Variants in PTPRZ1 observed in about 807,000 individuals in gnomAD.
The protein encoded by PTPRZ1 is protein tyrosine phosphatase receptor type Z1, also known as receptor-type tyrosine-protein phosphatase zeta.
A neutral mutation model predicts 214.1 loss-of-function variants in PTPRZ1; 82 were observed. That is an observed-to-expected ratio of 0.38 (90% CI 0.32 to 0.46). The LOEUF is 0.46. Among genes scored for constraint, PTPRZ1 ranks in the 20% least tolerant of loss-of-function variants. PTPRZ1 has a pLI of 1.00. For synonymous variants in PTPRZ1, 945 were observed against 987.9 expected (o/e 0.96, Z 0.81); for missense variants, 2,603 against 2,748.7 (o/e 0.95, Z 1.19).
intron 2 of PTPRZ1, among the ~76,000 whole-genome samples, chr7:121,950,035 C>T (rs749289367): frequency 6.6e-5 from 10 of 152,160 alleles, no homozygotes; most frequent in Middle Eastern, 3.4e-3. Flanking sequence ...AATTTACAAA[C>T]GAAAGAGGTT....
chr7:122,033,112 T>C (rs1206387), intron 15 of PTPRZ1, among the ~76,000 whole-genome samples: 28,149 of 151,892 alleles, frequency 0.19, 3,376 homozygotes, highest in African/African-American at 0.34. Context: ...TAAAATAACT[T>C]CATGTTTTCA....
At chr7:122,004,285 A>T (rs1256982194) in intron 10 of PTPRZ1, among the ~76,000 whole-genome samples, 1 of 152,078 alleles carries the variant, frequency 6.6e-6, no homozygotes, top group Non-Finnish European at 1.5e-5. Context: ...GCGTTTCTTT[A>T]CACTCAGTTT....
chr7:121,917,424 A>G, intron 1 of PTPRZ1, among the ~76,000 whole-genome samples: 1 of 152,196 alleles, frequency 6.6e-6, no homozygotes, highest in East Asian at 1.9e-4. Context: ...ACTTCAGACT[A>G]AGAATCAGAT....
Position 122,012,813 on chromosome 7 carries a change from C to T in PTPRZ1, c.3767C>T (p.Ser1256Leu). 1 of 1,612,006 alleles carries T rather than the reference C, an allele frequency of 6.2e-7. No individual in the cohort carries two copies. Among genetic ancestry groups the T allele is most frequent in the South Asian group, 1.1e-5 (1 of 91,038 alleles). The change falls in exon 12 of 30, where the codon TCA (serine) becomes TTA (leucine). Residue 1256 changes from serine (S) to leucine (L), a missense_variant. Ser to Leu is a moderately radical substitution (Grantham distance 145, BLOSUM62 -2). This residue lies in a region of PTPRZ1 where 1,913 missense variants were observed against 1,914.3 expected (regional missense o/e 1.00). Transcript: ENST00000393386. ...CCTACTTCTCATATGCACTCTGCTT[C>T]ACTTCAAGGTTTGACCATTTCCTAT... The part of the protein sequence containing the change: ...VSPTSHMHSA[S>L]LQGLTISYAS...
chr7:121,954,536 T>C (rs1482402757), intron 2 of PTPRZ1, among the ~76,000 whole-genome samples: 1 of 152,222 alleles, frequency 6.6e-6, no homozygotes, highest in Admixed American at 6.5e-5. Flanking sequence ...TCATATCCCA[T>C]CTGGGTTAGG....
In PTPRZ1 at chr7:122,039,532, G is replaced by A; in HGVS notation, c.5581G>A (p.Val1861Met). The change falls in exon 20 of 30, where the codon GTG (valine) becomes ATG (methionine). Residue 1861 changes from valine (V) to methionine (M), a missense_variant. Physicochemically the swap from Val to Met is conservative, Grantham distance 21. Coordinates refer to ENST00000393386, the MANE Select transcript of PTPRZ1 (RefSeq NM_002851.3). ...NFLVTQKSVQ[V>M]LAYYTVRNFT... ...TCTGGTCACTCAGAAGAGTGTGCAAGTGCTTGCCTATTATACTGTGAGGAA... is the reference window on the plus strand; with the variant it reads ...TCTGGTCACTCAGAAGAGTGTGCAAATGCTTGCCTATTATACTGTGAGGAA... 1 of 1,614,008 alleles carries A rather than the reference G, an allele frequency of 6.2e-7. No individual in the cohort carries two copies. The highest frequency in any genetic ancestry group is 8.5e-7 in the Non-Finnish European group (1 of 1,179,946).
In PTPRZ1 at chr7:122,013,475, C is replaced by G; in HGVS notation, c.4429C>G (p.Leu1477Val). ...TCAGAATAATCCAATCTCATACTCA[C>G]TATCTGAGAATTCTGAAGAAGATAA... ...MDQNNPISYSLSENSEEDNRV... is the reference protein window; with the variant it reads ...MDQNNPISYSVSENSEEDNRV... The change falls in exon 12 of 30, where the codon CTA (leucine) becomes GTA (valine). Residue 1477 changes from leucine to valine, a missense_variant. Physicochemically the swap from Leu to Val is conservative, Grantham distance 32. This residue lies in a region of PTPRZ1 where 1,913 missense variants were observed against 1,914.3 expected (regional missense o/e 1.00). Coordinates refer to ENST00000393386, the MANE Select transcript of PTPRZ1 (RefSeq NM_002851.3). 6.2e-7 allele frequency: 1 copy of G among 1,614,100 alleles called. No homozygotes were observed. Among genetic ancestry groups the G allele is most frequent in the Non-Finnish European group, 8.5e-7 (1 of 1,180,000 alleles).
At chr7:122,039,338 T>A (rs769863059) in intron 19 of PTPRZ1, 116 bp from the exon 20 acceptor site, 10 of 1,127,004 alleles carry the variant, frequency 8.9e-6, no homozygotes, top group African/African-American at 1.6e-5. Context: ...ATAAAACATT[T>A]AGAAGAGTGA....
intron 4 of PTPRZ1, among the ~76,000 whole-genome samples, chr7:121,975,234 T>C (rs2116539087): frequency 6.6e-6 from 1 of 152,262 alleles, no homozygotes; most frequent in Non-Finnish European, 1.5e-5. Flanking sequence ...AAATACCATA[T>C]GGGAGGTCAG....
At chr7:121,957,412 G>T (rs996619317) in intron 2 of PTPRZ1, among the ~76,000 whole-genome samples, 1 of 152,050 alleles carries the variant, frequency 6.6e-6, no homozygotes, top group African/African-American at 2.4e-5. Context: ...CTGTCCAGGG[G>T]TCATTCTCAC....
intron 1 of PTPRZ1, among the ~76,000 whole-genome samples, chr7:121,926,491 A>G (rs1310849062): frequency 1.3e-5 from 2 of 152,160 alleles, no homozygotes; most frequent in African/African-American, 2.4e-5. Context: ...GTATTGATAC[A>G]TGCTATGCCA....
intron 1 of PTPRZ1, among the ~76,000 whole-genome samples, chr7:121,907,544 G>C (rs1381078895): frequency 3.2e-4 from 48 of 151,644 alleles, no homozygotes; most frequent in African/African-American, 2.4e-5. Context: ...ATTTTCATAT[G>C]GTTTCATTTA....
intron 12 of PTPRZ1, among the ~76,000 whole-genome samples, chr7:122,018,895 G>A (rs1470040445): frequency 6.6e-6 from 1 of 151,952 alleles, no homozygotes; most frequent in East Asian, 1.9e-4. Flanking sequence ...CCCCTATCTG[G>A]GTGCCAATCT....
intron 25 of PTPRZ1, among the ~76,000 whole-genome samples, chr7:122,053,093 C>T (rs1232428430): frequency 2.0e-5 from 3 of 152,042 alleles, no homozygotes; most frequent in African/African-American, 4.8e-5. Context: ...TATTTATGGA[C>T]CCTGAAGGGT....
chr7:122,008,350 G>A (rs916950015), intron 11 of PTPRZ1, among the ~76,000 whole-genome samples: 1 of 152,050 alleles, frequency 6.6e-6, no homozygotes, highest in African/African-American at 2.4e-5. Context: ...AAATAAGAGA[G>A]ATCAGAGTTG....
intron 1 of PTPRZ1, among the ~76,000 whole-genome samples, chr7:121,915,887 T>G (rs1290931739): frequency 6.6e-6 from 1 of 152,182 alleles, no homozygotes; most frequent in Non-Finnish European, 1.5e-5. Context: ...ATAAAAACAT[T>G]TTTTTCTTTT....
chr7:122,031,693 A>T (rs1799381600), intron 15 of PTPRZ1, 134 bp downstream of exon 15: 1 of 579,032 alleles, frequency 1.7e-6, no homozygotes, highest in Admixed American at 3.2e-5. Flanking sequence ...TTCCATAATT[A>T]CATATGTGTT....
chr7:122,011,726 A>G lies in PTPRZ1; in HGVS notation c.2680A>G (p.Ser894Gly), dbSNP rs758918472. 2 of 1,614,136 alleles carry G rather than the reference A, an allele frequency of 1.2e-6. No homozygotes were observed. The highest frequency in any genetic ancestry group is 8.5e-7 in the Non-Finnish European group (1 of 1,180,030). Residue 894 changes from serine to glycine, a missense_variant, in exon 12 of 30, where the codon AGT (serine) becomes GGT (glycine). Transcript: ENST00000393386. ...HAASETLEFG[S>G]ESGVLYKTLM... ...TGCTTCAGAGACGCTGGAATTTGGTAGTGAATCTGGTGTTCTTTATAAAAC... is the reference window on the plus strand; with the variant it reads ...TGCTTCAGAGACGCTGGAATTTGGTGGTGAATCTGGTGTTCTTTATAAAAC...
At chr7:121,904,213 G>A (rs1325342077) in intron 1 of PTPRZ1, among the ~76,000 whole-genome samples, 1 of 152,122 alleles carries the variant, frequency 6.6e-6, no homozygotes, top group Non-Finnish European at 1.5e-5. Context: ...CCTCCAAGTA[G>A]GGGAAAACAG....
Sources: gnomAD v4.1 joint callset for allele counts (sites outside exome capture counted in the v4.1 genomes callset) on GRCh38, gnomAD v4.1.1 for gene constraint, gnomAD v4.1.1 regional missense constraint, MANE v1.5 for transcripts, NCBI Gene and HGNC (gene_info 2026-07-23, HGNC 2026-07-21) for gene names.